Variants in STK3 observed in about 807,000 individuals in gnomAD.
STK3 encodes the protein serine/threonine kinase 3, also known as serine/threonine-protein kinase 3.
STK3 carries 41 observed loss-of-function variants against 58.0 expected under a neutral mutation model. That is an observed-to-expected ratio of 0.71 (90% CI 0.55 to 0.92). The LOEUF is 0.92. Ranked by LOEUF, STK3 falls within the 40% of genes least tolerant of loss-of-function variation. The pLI, the probability that STK3 is intolerant of heterozygous loss-of-function variation, is 0.00. For missense variants in STK3, 479 were observed against 602.7 expected (o/e 0.79, Z 2.15); for synonymous variants, 170 against 191.0 (o/e 0.89, Z 0.91).
intron 1 of STK3, among the ~76,000 whole-genome samples, chr8:98,819,156 T>C (rs2131721850): frequency 6.6e-6 from 1 of 152,278 alleles, no homozygotes; most frequent in East Asian, 1.9e-4. Context: ...TCTTGCTCTG[T>C]TGCCCAGGAT....
chr8:98,833,548 C>T (rs1835624334), intron 3 of STK3, among the ~76,000 whole-genome samples: 1 of 152,100 alleles, frequency 6.6e-6, no homozygotes. Flanking sequence ...CAAAATATCT[C>T]AAAGAAATAT....
rs1393938290 is a variant in STK3, at chr8:98,706,615, T to C, written c.536A>G (p.Asn179Ser). Reference sequence around the variant, plus strand: ...CCAAAATGGAGTTCCTATTACAGTATTGCGTTTTGCCATTGTATCCTGCAA... The same window carrying C: ...CCAAAATGGAGTTCCTATTACAGTACTGCGTTTTGCCATTGTATCCTGCAA... ...GQLTDTMAKR[N>S]TVIGTPFWMA... The change falls in exon 6 of 11, where the codon AAT becomes AGT. Residue 179 changes from asparagine (N) to serine (S), a missense_variant. Asn to Ser is a conservative substitution (Grantham distance 46). Transcript: ENST00000419617. 29 of 1,603,578 alleles carry C rather than the reference T, an allele frequency of 1.8e-5. No individual in the cohort carries two copies. The highest frequency in any genetic ancestry group is 9.0e-5 in the East Asian group (4 of 44,402).
chr8:98,603,738 C>T (rs887889113), intron 6 of STK3, among the ~76,000 whole-genome samples: 1 of 151,398 alleles, frequency 6.6e-6, no homozygotes, highest in African/African-American at 2.4e-5. Context: ...GTCCTCAATG[C>T]TGGAAGCGGG....
chr8:98,589,761 A>G (rs111269447), intron 7 of STK3, among the ~76,000 whole-genome samples: 2,919 of 152,302 alleles, frequency 0.019, 63 homozygotes, highest in Non-Finnish European at 0.028. Flanking sequence ...CTCCGTGGGC[A>G]TAGGACCCTC....
intron 10 of STK3, among the ~76,000 whole-genome samples, chr8:98,478,953 G>A (rs1321210794): frequency 6.6e-6 from 1 of 152,168 alleles, no homozygotes; most frequent in Non-Finnish European, 1.5e-5. Flanking sequence ...TTCCTGATGA[G>A]GTGGCAGTGG....
chr8:98,880,181 C>A (rs1425616569), downstream of STK3: 1 of 152,138 alleles, frequency 6.6e-6, no homozygotes, highest in Non-Finnish European at 1.5e-5. Context: ...TCGCTTGAAC[C>A]TAGGAGGTGG....
intron 1 of STK3, among the ~76,000 whole-genome samples, chr8:98,938,033 G>T (rs1840257762): frequency 2.0e-5 from 3 of 152,242 alleles, no homozygotes; most frequent in Admixed American, 1.3e-4. Flanking sequence ...GCAACCCTTT[G>T]TCAAAGTGGA....
At chr8:98,446,844 C>T (rs1005774259) in intron 1 of STK3, among the ~76,000 whole-genome samples, 11 of 152,048 alleles carry the variant, frequency 7.2e-5, no homozygotes, top group African/African-American at 2.2e-4. Context: ...ACCTAAATGC[C>T]CACCAATGAC....
At chr8:98,930,325 C>T (rs541071341) in intron 1 of STK3, among the ~76,000 whole-genome samples, 179 of 152,246 alleles carry the variant, frequency 1.2e-3, no homozygotes, top group Middle Eastern at 0.01. Context: ...CCCCAGGCCC[C>T]CAAACTCCAT....
intron 7 of STK3, among the ~76,000 whole-genome samples, chr8:98,591,327 A>G (rs1815295852): frequency 6.6e-6 from 1 of 152,224 alleles, no homozygotes; most frequent in African/African-American, 2.4e-5. Flanking sequence ...TGCGTCTACA[A>G]AACACTCAAC....
chr8:98,429,503 G>A lies in STK3; in HGVS notation n.483+4624C>T, dbSNP rs1474424026. 74 of 912,452 alleles carry A rather than the reference G, an allele frequency of 8.1e-5. 1 individual carries two copies. The highest frequency in any genetic ancestry group is 1.2e-4 in the Non-Finnish European group (72 of 587,216). The allele number at this position is 912,452 out of a possible 1,614,324, so 56.5% of individuals were successfully genotyped here. ...CAGGCACCTTATGGTTATGGTGTAA[G>A]GAGTATGCCCAGCCCCTGAGGGGAG... On this transcript the variant is annotated intron_variant and non_coding_transcript_variant, in intron 3 of 3. Transcript: ENST00000517832.
intron 1 of STK3, chr8:98,782,587 G>T: frequency 3.4e-6 from 1 of 291,414 alleles, no homozygotes; most frequent in South Asian, 4.2e-5. Context: ...AGAAGGAAGA[G>T]AGCATCAAGA....
chr8:98,777,846 A>G (rs1831805454), intron 1 of STK3, among the ~76,000 whole-genome samples: 1 of 152,212 alleles, frequency 6.6e-6, no homozygotes, highest in Non-Finnish European at 1.5e-5. Context: ...CTGAAACTGG[A>G]TCCCTTCCTT....
chr8:98,640,150 C>A (rs1489192568), intron 6 of STK3, among the ~76,000 whole-genome samples: 1 of 152,074 alleles, frequency 6.6e-6, no homozygotes, highest in East Asian at 1.9e-4. Flanking sequence ...ACCTCCTGGA[C>A]TCAAGTGATT....
chr8:98,886,672 G>A (rs879385839), intron 1 of STK3, among the ~76,000 whole-genome samples: 2 of 152,172 alleles, frequency 1.3e-5, no homozygotes, highest in Non-Finnish European at 2.9e-5. Context: ...CAGAAAAAGA[G>A]AGAAACAGTC....
chr8:98,596,037 A>T lies in STK3; in HGVS notation c.817T>A (p.Leu273Ile). The change falls in exon 7 of 11, where the codon TTA becomes ATA. Residue 273 changes from leucine (L) to isoleucine (I), a missense_variant. Physicochemically the swap from Leu to Ile is conservative, Grantham distance 5. Coordinates refer to ENST00000419617, the MANE Select transcript of STK3 (RefSeq NM_006281.4). ...TTCGAGGCACAAGCACTGACCTGTA[A>T]AAGTTGTGTTGCAGTAGCTCTCTGC... is the stretch of plus-strand genomic sequence containing the variant. ...PEQRATATQL[L>I]QHPFIKNAKP... is the part of the protein sequence containing the mutation. 4 of 1,613,098 alleles carry T rather than the reference A, an allele frequency of 2.5e-6. No homozygotes were observed. Among genetic ancestry groups the T allele is most frequent in the Non-Finnish European group, 3.4e-6 (4 of 1,179,416 alleles).
upstream of STK3, among the ~76,000 whole-genome samples, chr8:98,829,988 A>G (rs1322912790): frequency 2.0e-5 from 3 of 152,170 alleles, no homozygotes; most frequent in African/African-American, 7.2e-5. Context: ...GCACTTTGGG[A>G]GGCCAAGGTG....
At chr8:98,895,084 T>G (rs1207075099) in intron 1 of STK3, among the ~76,000 whole-genome samples, 1 of 152,192 alleles carries the variant, frequency 6.6e-6, no homozygotes, top group Non-Finnish European at 1.5e-5. Flanking sequence ...GCAATGGCAC[T>G]GAAGATCATT....
chr8:98,615,158 C>A (rs1053726209), intron 6 of STK3, among the ~76,000 whole-genome samples: 1 of 151,784 alleles, frequency 6.6e-6, no homozygotes, highest in African/African-American at 2.4e-5. Context: ...TGACCCCTGA[C>A]CCCCGAGCAG....
Sources: gnomAD v4.1 joint callset for allele counts (sites outside exome capture counted in the v4.1 genomes callset) on GRCh38, gnomAD v4.1.1 for gene constraint, MANE v1.5 for transcripts, NCBI Gene and HGNC (gene_info 2026-07-23, HGNC 2026-07-21) for gene names.